Variants in SLC26A7 observed in about 807,000 individuals in gnomAD.
The protein encoded by SLC26A7 is solute carrier family 26 member 7.
SLC26A7 carries 59 observed loss-of-function variants against 82.5 expected under a neutral mutation model. That is an observed-to-expected ratio of 0.72 (90% CI 0.58 to 0.89). The LOEUF (loss-of-function observed/expected upper bound fraction) is 0.89. Ranked by LOEUF, SLC26A7 falls within the 40% of genes least tolerant of loss-of-function variation. The pLI is 0.00. For synonymous variants in SLC26A7, 271 were observed against 274.3 expected, an observed-to-expected ratio of 0.99 and a Z score of 0.12; for missense variants, 820 against 793.0, an observed-to-expected ratio of 1.03 and a Z score of -0.41.
chr8:91,335,469 A>G (rs1307710451), intron 6 of SLC26A7, among the ~76,000 whole-genome samples: 2 of 152,176 alleles, frequency 1.3e-5, no homozygotes, highest in African/African-American at 2.4e-5. Flanking sequence ...TTTCACAGCA[A>G]CAACTGTGAA....
chr8:91,375,978 G>C (rs1044811246), intron 15 of SLC26A7, among the ~76,000 whole-genome samples: 2 of 151,924 alleles, frequency 1.3e-5, no homozygotes, highest in African/African-American at 4.8e-5. Flanking sequence ...TAATTTGAAA[G>C]ACTAGTCTTC....
chr8:91,239,144 G>T (rs1016452402), intron 2 of SLC26A7, among the ~76,000 whole-genome samples: 1 of 152,022 alleles, frequency 6.6e-6, no homozygotes, highest in Non-Finnish European at 1.5e-5. Context: ...GCCAAGACGG[G>T]CGGATCACGA....
intron 2 of SLC26A7, among the ~76,000 whole-genome samples, chr8:91,279,156 TA>T (rs1811496788): frequency 3.3e-5 from 4 of 121,288 alleles, no homozygotes; most frequent in African/African-American, 1.1e-4. Context: ...TATATATATA[TA>T]TATATATATG....
intron 2 of SLC26A7, among the ~76,000 whole-genome samples, chr8:91,265,940 A>G (rs1302550630): frequency 1.3e-5 from 2 of 151,938 alleles, no homozygotes; most frequent in Admixed American, 1.3e-4. Flanking sequence ...TTTTAGTTTG[A>G]TAGAATCCCA....
chr8:91,380,198 G>T (rs182113495), intron 15 of SLC26A7, among the ~76,000 whole-genome samples: 1 of 152,090 alleles, frequency 6.6e-6, no homozygotes. Context: ...GTCGGTGGTA[G>T]TATAAACTCT....
chr8:91,353,824 G>A lies in SLC26A7; in HGVS notation c.1314+828G>A, dbSNP rs556400919. On this transcript the variant is annotated intron_variant, in intron 11 of 18. Coordinates refer to ENST00000276609, the MANE Select transcript of SLC26A7 (RefSeq NM_052832.4). ...AGCTCCCACCAAAGTATAATGCTGG[G>A]CACCATGAGGAATGTGCAGATGAAA... 1.7e-3 allele frequency among the ~76,000 whole-genome samples: 265 copies of A among 152,088 alleles called. No homozygotes were observed. The Middle Eastern group carries it at 0.031, about 18-fold the overall frequency.
At chr8:91,290,199 A>T (rs1306113111) in intron 3 of SLC26A7, among the ~76,000 whole-genome samples, 1 of 152,168 alleles carries the variant, frequency 6.6e-6, no homozygotes, top group Non-Finnish European at 1.5e-5. Flanking sequence ...TTATTTGGGG[A>T]TTACATGATC....
intron 5 of SLC26A7, among the ~76,000 whole-genome samples, chr8:91,331,706 G>A (rs1202597976): frequency 6.6e-6 from 1 of 151,980 alleles, no homozygotes; most frequent in Non-Finnish European, 1.5e-5. Context: ...CATATCTATT[G>A]CCTTCAAAGG....
rs1481960253 is a variant in SLC26A7 at position 91,332,477 on chromosome 8, G to GTA, written c.643-1810_643-1809dup. Among the ~76,000 whole-genome samples, 5 of 110,648 alleles carry GTA rather than the reference G, an allele frequency of 4.5e-5. No homozygotes were observed. The Admixed American group carries it at 5.0e-4, about 11-fold the overall frequency. The allele number at this position is 110,648 out of a possible 152,430, so 72.6% of individuals were successfully genotyped here. On this transcript the variant is annotated intron_variant, in intron 5 of 18. Transcript: ENST00000276609. ...AATATATAAATTAAATATATATTCTGTATATATATTTAATACACACACACA... is the reference window on the plus strand; with the variant it reads ...AATATATAAATTAAATATATATTCTGTATATATATATTTAATACACACACACA...
chr8:91,397,268 C>G lies in SLC26A7; in HGVS notation c.*2171C>G, dbSNP rs562767116. ...ATGACTGTTAACCTGGAGGAAGTCT[C>G]TGGTATGGAGTTCTGAGAGCTTAAG... On this transcript the variant is annotated 3_prime_UTR_variant, in exon 19 of 19. Coordinates refer to ENST00000276609, the MANE Select transcript of SLC26A7 (RefSeq NM_052832.4). 5 of 152,112 alleles carry G rather than the reference C, an allele frequency of 3.3e-5. No individual in the cohort carries two copies. In the East Asian group the frequency reaches 9.6e-4, roughly 29 times the overall value. The allele number at this position is 152,112 out of a possible 1,614,324, so 9.4% of individuals were successfully genotyped here.
At chr8:91,381,044 A>G (rs1214364994) in intron 15 of SLC26A7, among the ~76,000 whole-genome samples, 2 of 152,230 alleles carry the variant, frequency 1.3e-5, no homozygotes, top group Non-Finnish European at 2.9e-5. Context: ...AAATGAAAAC[A>G]TATAGTAAGG....
chr8:91,223,658 G>A (rs186925233), intron 2 of SLC26A7, among the ~76,000 whole-genome samples: 32 of 152,248 alleles, frequency 2.1e-4, no homozygotes, highest in Non-Finnish European at 3.5e-4. Flanking sequence ...GTGTCTTTGG[G>A]TTAATCTTCT....
At chr8:91,394,347 C>T in intron 18 of SLC26A7, 2 of 1,583,234 alleles carry the variant, frequency 1.3e-6, no homozygotes, top group South Asian at 2.3e-5. Context: ...ATCTACTGTC[C>T]TGGGGACTTG....
chr8:91,276,841 A>G (rs549822932), intron 2 of SLC26A7, among the ~76,000 whole-genome samples: 1 of 152,312 alleles, frequency 6.6e-6, no homozygotes, highest in African/African-American at 2.4e-5. Context: ...TCCATTTAAC[A>G]TTGAGACCCA....
In SLC26A7 at chr8:91,356,470, T is replaced by C. The variant is rs1159827273; in HGVS notation, c.1314+3474T>C. On this transcript the variant is annotated intron_variant, in intron 11 of 18. Coordinates refer to ENST00000276609, the MANE Select transcript of SLC26A7 (RefSeq NM_052832.4). ...ATTGTGGTTTTGATTTGCATTTCTCTGATGGCCAGTGATGATGAGCATTTT... is the reference window on the plus strand; with the variant it reads ...ATTGTGGTTTTGATTTGCATTTCTCCGATGGCCAGTGATGATGAGCATTTT... Among the ~76,000 whole-genome samples the C allele has an allele frequency of 4.6e-5, 7 of 152,354 alleles. No individual in the cohort carries two copies. The South Asian group carries it at 1.4e-3, about 32-fold the overall frequency.
intron 16 of SLC26A7, among the ~76,000 whole-genome samples, chr8:91,390,141 C>G (rs1428445002): frequency 1.4e-5 from 2 of 147,756 alleles, no homozygotes; most frequent in African/African-American, 5.1e-5. Flanking sequence ...GACGGAGTCT[C>G]GCTCTATCGC....
chr8:91,293,343 T>G (rs867408275), intron 3 of SLC26A7, among the ~76,000 whole-genome samples: 1 of 152,140 alleles, frequency 6.6e-6, no homozygotes, highest in Non-Finnish European at 1.5e-5. Flanking sequence ...GAGGCAAAGA[T>G]AGAGAATTAG....
At chr8:91,353,124 AT>A (rs562585000) in intron 11 of SLC26A7, 128 bp downstream of exon 11, 24 of 498,630 alleles carry the variant, frequency 4.8e-5, no homozygotes, top group South Asian at 9.4e-5. Flanking sequence ...ACAAACTACC[AT>A]TTTTTTTCCA....
At chr8:91,212,302 T>G (rs1159763371) in intron 1 of SLC26A7, among the ~76,000 whole-genome samples, 3 of 152,084 alleles carry the variant, frequency 2.0e-5, no homozygotes, top group African/African-American at 7.2e-5. Flanking sequence ...ATGCATTTAA[T>G]AGTTTTCATT....
Sources: allele counts gnomAD v4.1 joint callset (sites outside exome capture counted in the v4.1 genomes callset), GRCh38; gene constraint gnomAD v4.1.1; transcripts MANE v1.5; gene names NCBI Gene and HGNC (gene_info 2026-07-23, HGNC 2026-07-21).